The following PDE7B variants were observed in gnomAD, a reference collection of about 807,000 sequenced individuals.
PDE7B encodes phosphodiesterase 7B.
In PDE7B, 29 loss-of-function variants were observed where a neutral mutation model predicts 56.2. The observed-to-expected ratio is 0.52, with a 90% CI of 0.38 to 0.70. The LOEUF is 0.70. PDE7B is among the 30% of genes least tolerant of loss of function. The pLI, the probability that PDE7B is intolerant of heterozygous loss-of-function variation, is 0.00. For missense variants in PDE7B, 490 were observed against 565.0 expected (o/e 0.87, Z 1.35); for synonymous variants, 197 against 196.9 (o/e 1.00, Z 0.00).
Position 136,191,677 on chromosome 6 carries a change from C to T in PDE7B, c.1190C>T (p.Thr397Ile), listed in dbSNP as rs796072716. ...TGGGCCCATTTCACGGGTAACAGCACCCTGTCGGAGAACATGCTGGGCCAC... is the reference window on the plus strand; with the variant it reads ...TGGGCCCATTTCACGGGTAACAGCATCCTGTCGGAGAACATGCTGGGCCAC... ...REWAHFTGNS[T>I]LSENMLGHLA... The change falls in exon 13 of 13, where the codon ACC becomes ATC. Residue 397 changes from threonine to isoleucine, a missense_variant. Thr to Ile is a moderately conservative substitution (Grantham distance 89). Coordinates refer to ENST00000308191, the MANE Select transcript of PDE7B (RefSeq NM_018945.4). 4 of 1,614,020 alleles carry T rather than the reference C, an allele frequency of 2.5e-6. No individual in the cohort carries two copies. In the Admixed American group the frequency reaches 5.0e-5, roughly 20 times the overall value.
chr6:135,872,635 C>A (rs1775407072), intron 1 of PDE7B, among the ~76,000 whole-genome samples: 1 of 152,090 alleles, frequency 6.6e-6, no homozygotes, highest in African/African-American at 2.4e-5. Flanking sequence ...ACCCTCCCTA[C>A]CTAACAAAGT....
chr6:136,129,519 C>T (rs1778080576), intron 3 of PDE7B, among the ~76,000 whole-genome samples: 1 of 152,222 alleles, frequency 6.6e-6, no homozygotes, highest in Non-Finnish European at 1.5e-5. Context: ...CCGAAGGCCA[C>T]TGTTTTTGGC....
chr6:136,099,603 G>A (rs1404864069), intron 2 of PDE7B, among the ~76,000 whole-genome samples: 1 of 152,096 alleles, frequency 6.6e-6, no homozygotes, highest in African/African-American at 2.4e-5. Flanking sequence ...CATATCCTTT[G>A]TCCACTTTTT....
chr6:136,175,741 G>T (rs1254757319), intron 9 of PDE7B, among the ~76,000 whole-genome samples: 2 of 152,014 alleles, frequency 1.3e-5, no homozygotes, highest in Non-Finnish European at 2.9e-5. Context: ...GAATTCAAAT[G>T]GTTTCCAATA....
intron 2 of PDE7B, among the ~76,000 whole-genome samples, chr6:135,980,279 C>T (rs1775272806): frequency 1.3e-5 from 2 of 152,126 alleles, no homozygotes; most frequent in Admixed American, 1.3e-4. Flanking sequence ...ACACCTTATA[C>T]AAAAATCAAT....
intron 1 of PDE7B, among the ~76,000 whole-genome samples, chr6:135,865,615 TTGTGTGTGTGTGTGTGTG>T (rs3037648): frequency 7.0e-6 from 1 of 142,270 alleles, no homozygotes; most frequent in Non-Finnish European, 1.5e-5. Flanking sequence ...GCACTAGGCA[TTGTGTGTGTGTGTGTGTG>T]TGTGTGTGTG....
intron 2 of PDE7B, among the ~76,000 whole-genome samples, chr6:136,017,133 C>T (rs952911086): frequency 3.3e-5 from 5 of 152,136 alleles, no homozygotes; most frequent in Non-Finnish European, 7.3e-5. Context: ...TAATTGATAT[C>T]ATCATAAGGT....
chr6:136,055,780 T>C (rs988693079), intron 2 of PDE7B, among the ~76,000 whole-genome samples: 1 of 152,080 alleles, frequency 6.6e-6, no homozygotes, highest in Non-Finnish European at 1.5e-5. Flanking sequence ...CCAAAGAAAC[T>C]TACAGAGGAG....
chr6:136,194,221 A>G lies in PDE7B; in HGVS notation c.*2381A>G, dbSNP rs905834040. 6 of 152,274 alleles carry G rather than the reference A, an allele frequency of 3.9e-5. No individual in the cohort carries two copies. Among genetic ancestry groups the G allele is most frequent in the African/African-American group, 1.4e-4 (6 of 41,558 alleles). 9.4% of individuals were successfully genotyped at this position (152,274 alleles called of 1,614,324 possible). On this transcript the variant is annotated 3_prime_UTR_variant, in exon 13 of 13. Coordinates refer to ENST00000308191, the MANE Select transcript of PDE7B (RefSeq NM_018945.4). ...AAGTAGAGGTAGGAAAGAAGACACT[A>G]TTTTAGCTAATGGGGTTTCTTGGGA...
At chr6:136,148,858 A>G (rs773947651) in intron 4 of PDE7B, among the ~76,000 whole-genome samples, 1 of 152,214 alleles carries the variant, frequency 6.6e-6, no homozygotes, top group Non-Finnish European at 1.5e-5. Flanking sequence ...CTAAACCTCA[A>G]AAATAACCTA....
rs1223314151 is a variant in PDE7B, at chr6:135,900,344, T to C, written c.22-47120T>C. 2.6e-5 allele frequency among the ~76,000 whole-genome samples: 4 copies of C among 152,254 alleles called. No individual in the cohort carries two copies. In the East Asian group the frequency reaches 7.7e-4, roughly 29 times the overall value. Reference sequence around the variant, plus strand: ...GTAAACTTTAAGTGGGTTTTTTATATGTTCTTTTATATCTGCTATATTTTA... The same window carrying C: ...GTAAACTTTAAGTGGGTTTTTTATACGTTCTTTTATATCTGCTATATTTTA... On this transcript the variant is annotated intron_variant, in intron 1 of 12. Coordinates refer to ENST00000308191, the MANE Select transcript of PDE7B (RefSeq NM_018945.4).
chr6:136,123,335 C>T (rs77015481), intron 3 of PDE7B, among the ~76,000 whole-genome samples: 3,696 of 152,192 alleles, frequency 0.024, 178 homozygotes, highest in African/African-American at 0.083. Flanking sequence ...AGTAAAAGAC[C>T]TCTTATTTTC....
At chr6:136,147,221 G>A in intron 3 of PDE7B, 130 bp from the exon 4 acceptor site, 1 of 573,324 alleles carries the variant, frequency 1.7e-6, no homozygotes, top group Non-Finnish European at 3.1e-6. Flanking sequence ...GAGTTCAATA[G>A]ACCATATTTT....
At chr6:136,023,877 T>C (rs1776110703) in intron 2 of PDE7B, among the ~76,000 whole-genome samples, 1 of 152,272 alleles carries the variant, frequency 6.6e-6, no homozygotes, top group African/African-American at 2.4e-5. Flanking sequence ...ATCACTACTT[T>C]CGTGCCCAAA....
intron 3 of PDE7B, among the ~76,000 whole-genome samples, chr6:136,111,841 C>G (rs997395213): frequency 1.3e-5 from 2 of 152,162 alleles, no homozygotes; most frequent in Non-Finnish European, 2.9e-5. Flanking sequence ...AATTTTGAGT[C>G]AAGTTTTTCC....
chr6:135,976,546 C>A (rs1249933904), intron 2 of PDE7B, among the ~76,000 whole-genome samples: 1 of 152,140 alleles, frequency 6.6e-6, no homozygotes, highest in Admixed American at 6.6e-5. Flanking sequence ...TTCCTTAGGT[C>A]TTTAGAATTC....
intron 8 of PDE7B, among the ~76,000 whole-genome samples, chr6:136,172,758 A>C (rs1224354967): frequency 1.3e-5 from 2 of 151,958 alleles, no homozygotes; most frequent in East Asian, 3.9e-4. Flanking sequence ...TAGGGTTTTT[A>C]TGGTTTTAGG....
Position 135,935,198 on chromosome 6 carries a change from A to ATT in PDE7B, c.22-12265_22-12264insTT, listed in dbSNP as rs1284174050. On this transcript the variant is annotated intron_variant, in intron 1 of 12. Transcript: ENST00000308191. ...TATATATATATATTTATTTATATAT[A>ATT]TATATATATATATATATATTTTCAT... is the stretch of plus-strand genomic sequence containing the variant. Among the ~76,000 whole-genome samples the ATT allele has an allele frequency of 2.4e-4, 19 of 80,134 alleles. 2 individuals are homozygous for ATT. Among genetic ancestry groups the ATT allele is most frequent in the Non-Finnish European group, 3.2e-4 (15 of 47,012 alleles). The allele number at this position is 80,134 out of a possible 152,430, so 52.6% of individuals were successfully genotyped here. A position where few individuals can be genotyped will look rare whatever the true frequency, so the allele number is the denominator to read the frequency against.
At chr6:135,931,844 C>A (rs982617903) in intron 1 of PDE7B, among the ~76,000 whole-genome samples, 1 of 152,074 alleles carries the variant, frequency 6.6e-6, no homozygotes. Flanking sequence ...CAAACATGCA[C>A]ACAAACAGAA....
Sources: gnomAD v4.1 joint callset for allele counts (sites outside exome capture counted in the v4.1 genomes callset) on GRCh38, gnomAD v4.1.1 for gene constraint, MANE v1.5 for transcripts, NCBI Gene and HGNC (gene_info 2026-07-23, HGNC 2026-07-21) for gene names.